SMAP2: variants seen among roughly 807,000 people sequenced by gnomAD.
SMAP2 encodes the protein stromal membrane-associated protein 2.
SMAP2 carries 25 observed loss-of-function variants against 56.4 expected under a neutral mutation model. The ratio of observed to expected loss-of-function variants is 0.44; its 90% CI spans 0.32 to 0.62. SMAP2 has a LOEUF of 0.62. Among genes scored for constraint, SMAP2 ranks in the 20% least tolerant of loss-of-function variants. The pLI is 0.04. For synonymous variants in SMAP2, 157 were observed against 181.7 expected (o/e 0.86, Z 1.09); for missense variants, 388 against 545.6 (o/e 0.71, Z 2.88).
Position 40,345,488 on chromosome 1 carries a change from A to T in SMAP2, c.-83+578A>T, listed in dbSNP as rs146282384. On this transcript the variant is annotated intron_variant, in intron 1 of 6. Transcript: ENST00000435168. ...CCCACCACACACAAGCACAATTTTC[A>T]TTTTTCTTTTTTTTTGAGATAGGGT... Among the ~76,000 whole-genome samples, 15 of 151,056 alleles carry T rather than the reference A, an allele frequency of 9.9e-5. No homozygotes were observed. In the East Asian group the frequency reaches 2.9e-3, roughly 29 times the overall value.
intron 1 of SMAP2, among the ~76,000 whole-genome samples, chr1:40,387,924 C>T (rs1644675324): frequency 6.6e-6 from 1 of 151,436 alleles, no homozygotes; most frequent in Admixed American, 6.6e-5. Context: ...TGGGCATGGG[C>T]TTGGCGGGCC....
rs558512123 is a variant in SMAP2 at position 40,408,603 on chromosome 1, G to A, written c.238-50G>A. ...GTGGAATTGGGTGAGAAGTTTTTCA[G>A]TTCTTTCTTGATCTGACGTTCCATG... On this transcript the variant is annotated intron_variant, in intron 2 of 9. Coordinates refer to ENST00000372718, the MANE Select transcript of SMAP2 (RefSeq NM_022733.3). This position sits in a 1 kb window ranked among gnomAD's most constrained non-coding sequence, Gnocchi z 4.3. 3.2e-4 allele frequency: 486 copies of A among 1,533,448 alleles called. 8 individuals are homozygous for A. In the South Asian group the frequency reaches 4.7e-3, roughly 15 times the overall value. The allele number at this position is 1,533,448 out of a possible 1,614,324, so 95.0% of individuals were successfully genotyped here. A position where few individuals can be genotyped will look rare whatever the true frequency, so the allele number is the denominator to read the frequency against.
intron 8 of SMAP2, 59 bp from the exon 9 acceptor site, chr1:40,416,721 T>G (rs1288563808): frequency 6.6e-6 from 10 of 1,514,034 alleles, no homozygotes; most frequent in African/African-American, 1.4e-5. Context: ...CAGGGAGAGT[T>G]CGGGCTGACT....
At chr1:40,382,169 G>C (rs1644605465) in intron 1 of SMAP2, among the ~76,000 whole-genome samples, 1 of 152,118 alleles carries the variant, frequency 6.6e-6, no homozygotes, top group Admixed American at 6.6e-5. Context: ...GTAGGTGGCA[G>C]CTTTCTTGGG....
At chr1:40,395,595 T>C (rs1011565014) in intron 1 of SMAP2, among the ~76,000 whole-genome samples, 3 of 152,272 alleles carry the variant, frequency 2.0e-5, no homozygotes, top group East Asian at 1.9e-4. Flanking sequence ...CAGAGTAGTT[T>C]AATGAATTTT....
At chr1:40,356,657 G>A (rs776260203) in intron 1 of SMAP2, among the ~76,000 whole-genome samples, 1 of 152,014 alleles carries the variant, frequency 6.6e-6, no homozygotes, top group African/African-American at 2.4e-5. Context: ...TGAGCCGCCC[G>A]CCTTGGCCTC....
chr1:40,387,937 G>A (rs940473467), intron 1 of SMAP2, among the ~76,000 whole-genome samples: 1 of 152,034 alleles, frequency 6.6e-6, no homozygotes, highest in Non-Finnish European at 1.5e-5. Context: ...GGCGGGCCCC[G>A]CACTTGGAGC....
In SMAP2 at chr1:40,385,695, A is replaced by C. The variant is rs1644646664; in HGVS notation, c.103+11472A>C. Among the ~76,000 whole-genome samples the C allele has an allele frequency of 6.6e-6, 1 of 152,244 alleles. No homozygotes were observed. Among genetic ancestry groups the C allele is most frequent in the Non-Finnish European group, 1.5e-5 (1 of 68,040 alleles). On this transcript the variant is annotated intron_variant, in intron 1 of 9. Coordinates refer to ENST00000372718, the MANE Select transcript of SMAP2 (RefSeq NM_022733.3). This position sits in a 1 kb window ranked among gnomAD's most constrained non-coding sequence, Gnocchi z 4.5. ...TTCAAATAGCCATGCTGTCTTTTGC[A>C]GCAGTTGCTGGTGACGGAATACCAT...
chr1:40,369,496 C>T (rs1440453895), upstream of SMAP2, among the ~76,000 whole-genome samples: 12 of 150,872 alleles, frequency 8.0e-5, no homozygotes, highest in East Asian at 1.6e-3. Flanking sequence ...GGTACTGGTA[C>T]CAAAACAGAG....
At chr1:40,410,889 TTATC>T (rs1644929229) in intron 4 of SMAP2, among the ~76,000 whole-genome samples, 1 of 152,212 alleles carries the variant, frequency 6.6e-6, no homozygotes. Context: ...AATTGGCTAT[TTATC>T]TAGTCACAGA....
In SMAP2 at chr1:40,365,793, G is replaced by A. The variant is rs540634342; in HGVS notation, c.55+3357G>A. Among the ~76,000 whole-genome samples, 25 of 152,080 alleles carry A rather than the reference G, an allele frequency of 1.6e-4. No homozygotes were observed. In the East Asian group the frequency reaches 4.4e-3, roughly 27 times the overall value. The stretch of plus-strand genomic sequence containing the variant: ...AACTGGAAGCTCCAAAAATCAGAGC[G>A]CCTCTCCTCCTCCAAAGGAACGCAG... On this transcript the variant is annotated intron_variant, in intron 2 of 6. Transcript: ENST00000435168.
intron 1 of SMAP2, among the ~76,000 whole-genome samples, chr1:40,388,515 CTG>C (rs1372742894): frequency 2.6e-5 from 4 of 152,078 alleles, no homozygotes; most frequent in Non-Finnish European, 4.4e-5. Context: ...TGTGGACACT[CTG>C]TATCTAGCTA....
intron 1 of SMAP2, among the ~76,000 whole-genome samples, chr1:40,350,677 A>G (rs1354546881): frequency 6.6e-6 from 1 of 152,174 alleles, no homozygotes; most frequent in Non-Finnish European, 1.5e-5. Flanking sequence ...ACTTAAATCA[A>G]TGGCCCTAGC....
At chr1:40,413,934 G>C (rs1644961547) in intron 5 of SMAP2, 1 of 487,454 alleles carries the variant, frequency 2.1e-6, no homozygotes, top group Non-Finnish European at 3.7e-6. Flanking sequence ...TAGGACACCA[G>C]ACAATCACAG....
chr1:40,383,544 G>A (rs942507111), intron 1 of SMAP2, among the ~76,000 whole-genome samples: 1 of 152,146 alleles, frequency 6.6e-6, no homozygotes. Flanking sequence ...AGGGTTTTCC[G>A]GCAGATATAA....
intron 1 of SMAP2, among the ~76,000 whole-genome samples, chr1:40,388,663 C>G (rs186771394): frequency 6.6e-6 from 1 of 152,264 alleles, no homozygotes; most frequent in East Asian, 1.9e-4. Context: ...CAGACCGCTC[C>G]GCTCTACCAA....
At chr1:40,375,835 C>CT (rs997812129) in intron 1 of SMAP2, 2 of 822,216 alleles carry the variant, frequency 2.4e-6, no homozygotes, top group African/African-American at 1.9e-5. Context: ...AACCCCCCCC[C>CT]CCATTTCTCA....
chr1:40,393,999 C>G (rs1033143540), intron 1 of SMAP2, among the ~76,000 whole-genome samples: 1 of 152,040 alleles, frequency 6.6e-6, no homozygotes, highest in African/African-American at 2.4e-5. Flanking sequence ...CTAAAGAGAG[C>G]AAGGAAATCT....
At chr1:40,373,134 CA>C (rs1196688207), upstream of SMAP2, among the ~76,000 whole-genome samples, 1 of 152,102 alleles carries the variant, frequency 6.6e-6, no homozygotes, top group Non-Finnish European at 1.5e-5. Context: ...GAAGAAGAAA[CA>C]AACTGTCTGG....
Sources: gnomAD v4.1 joint callset for allele counts (sites outside exome capture counted in the v4.1 genomes callset) on GRCh38, gnomAD v4.1.1 for gene constraint, Gnocchi (gnomAD v3.1) non-coding constraint, MANE v1.5 for transcripts, NCBI Gene and HGNC (gene_info 2026-07-23, HGNC 2026-07-21) for gene names.